The following BMPR1A variants were observed in gnomAD, a reference collection of about 807,000 sequenced individuals.
The protein encoded by BMPR1A is bone morphogenetic protein receptor type 1A, also known as bone morphogenetic protein receptor type-1A.
Under a neutral mutation model 66.0 loss-of-function variants are expected in BMPR1A, and 7 were observed. The ratio of observed to expected loss-of-function variants is 0.11; its 90% CI spans 0.06 to 0.20. BMPR1A has a LOEUF of 0.20. Ranked by LOEUF, BMPR1A falls within the 10% of genes least tolerant of loss-of-function variation. The pLI, the probability that BMPR1A is intolerant of heterozygous loss-of-function variation, is 1.00. For synonymous variants in BMPR1A, 200 were observed against 229.7 expected, an observed-to-expected ratio of 0.87 and a Z score of 1.17; for missense variants, 408 against 669.1, an observed-to-expected ratio of 0.61 and a Z score of 4.31.
chr10:86,855,303 C>G (rs1842625790), intron 2 of BMPR1A: 1 of 1,019,886 alleles, frequency 9.8e-7, no homozygotes, highest in Admixed American at 2.8e-5. Context: ...TCCACCCAAT[C>G]AAAGTCTCCT....
chr10:86,902,494 C>T (rs1249975023), intron 7 of BMPR1A, among the ~76,000 whole-genome samples: 9 of 152,124 alleles, frequency 5.9e-5, no homozygotes, highest in Non-Finnish European at 1.3e-4. Flanking sequence ...TGTGTGCTCT[C>T]TAAGCAATGG....
In BMPR1A at chr10:86,921,542, C is replaced by T. The variant is rs1843665120; in HGVS notation, c.1189C>T (p.Pro397Ser). 1 of 1,614,042 alleles carries T rather than the reference C, an allele frequency of 6.2e-7. No individual in the cohort carries two copies. Among genetic ancestry groups the T allele is most frequent in the Non-Finnish European group, 8.5e-7 (1 of 1,179,966 alleles). ...CAGTGACACAAATGAAGTTGATGTGCCCTTGAATACCAGGGTGGGCACCAA... is the reference window on the plus strand; with the variant it reads ...CAGTGACACAAATGAAGTTGATGTGTCCTTGAATACCAGGGTGGGCACCAA... ...FNSDTNEVDV[P>S]LNTRVGTKRY... The change falls in exon 11 of 13, where the codon CCC (proline) becomes TCC (serine). Residue 397 changes from proline to serine, a missense_variant. Physicochemically the swap from Pro to Ser is moderately conservative, Grantham distance 74 (BLOSUM62 -1). Transcript: ENST00000372037.
At chr10:86,868,742 A>G (rs1433658858) in intron 2 of BMPR1A, among the ~76,000 whole-genome samples, 1 of 150,030 alleles carries the variant, frequency 6.7e-6, no homozygotes, top group Non-Finnish European at 1.5e-5. Flanking sequence ...TTTACTCTGT[A>G]GTCTGTTTTT....
At chr10:86,854,727 T>C (rs1842616354) in intron 2 of BMPR1A, 4 of 230,278 alleles carry the variant, frequency 1.7e-5, no homozygotes, top group Non-Finnish European at 2.9e-5. Flanking sequence ...GGTTTCTTCA[T>C]CCAAAACGTA....
At chr10:86,932,142 CTTGTAA>C, downstream of BMPR1A, 1 of 152,286 alleles carries the variant, frequency 6.6e-6, no homozygotes, top group South Asian at 2.1e-4. Flanking sequence ...AGAGACTCAT[CTTGTAA>C]TGTTTGTAAT....
intron 1 of BMPR1A, among the ~76,000 whole-genome samples, chr10:86,830,901 C>T (rs1157836479): frequency 3.3e-5 from 5 of 152,032 alleles, no homozygotes; most frequent in Non-Finnish European, 7.4e-5. Context: ...CCCCATTCCC[C>T]ACTCTCCAGC....
At chr10:86,846,486 G>T (rs909736629) in intron 2 of BMPR1A, among the ~76,000 whole-genome samples, 1 of 152,160 alleles carries the variant, frequency 6.6e-6, no homozygotes, top group African/African-American at 2.4e-5. Context: ...CCTTAGGGCC[G>T]TCAGCGTGCC....
chr10:86,836,914 T>C (rs1186519888), intron 1 of BMPR1A, among the ~76,000 whole-genome samples: 1 of 152,134 alleles, frequency 6.6e-6, no homozygotes, highest in Non-Finnish European at 1.5e-5. Flanking sequence ...GCCTGGGTAA[T>C]GGAGCCAGAG....
intron 8 of BMPR1A, among the ~76,000 whole-genome samples, chr10:86,913,907 T>G (rs1300706400): frequency 6.6e-6 from 1 of 152,178 alleles, no homozygotes; most frequent in Non-Finnish European, 1.5e-5. Flanking sequence ...TTGATGTATA[T>G]TCTAACATTT....
chr10:86,893,997 C>T (rs1457529948), intron 5 of BMPR1A, among the ~76,000 whole-genome samples: 1 of 152,220 alleles, frequency 6.6e-6, no homozygotes, highest in Non-Finnish European at 1.5e-5. Context: ...TCCTACTAGT[C>T]TTTGCCCAGT....
intron 1 of BMPR1A, among the ~76,000 whole-genome samples, chr10:86,817,027 C>T (rs1248050173): frequency 6.6e-6 from 1 of 152,166 alleles, no homozygotes; most frequent in Non-Finnish European, 1.5e-5. Flanking sequence ...AAGCTCTTCT[C>T]CAGCCATCCC....
chr10:86,908,624 C>T (rs1475532372), intron 7 of BMPR1A, among the ~76,000 whole-genome samples: 3 of 152,214 alleles, frequency 2.0e-5, no homozygotes, highest in Non-Finnish European at 4.4e-5. Flanking sequence ...GCTCTTACCA[C>T]GTCATTGCAC....
At chr10:86,785,708 G>A (rs1841505160) in intron 1 of BMPR1A, among the ~76,000 whole-genome samples, 1 of 152,192 alleles carries the variant, frequency 6.6e-6, no homozygotes, top group Non-Finnish European at 1.5e-5. Flanking sequence ...ATTATTGAAA[G>A]TGGGGATACT....
At chr10:86,763,773 A>G (rs1249506789) in intron 1 of BMPR1A, among the ~76,000 whole-genome samples, 1 of 148,986 alleles carries the variant, frequency 6.7e-6, no homozygotes, top group Non-Finnish European at 1.5e-5. Context: ...AGAAATCTGT[A>G]GGAGACTTGG....
At chr10:86,843,088 T>A (rs1210067133) in intron 2 of BMPR1A, among the ~76,000 whole-genome samples, 1 of 152,130 alleles carries the variant, frequency 6.6e-6, no homozygotes, top group Non-Finnish European at 1.5e-5. Flanking sequence ...AAGCAAGAAA[T>A]AATGAAGCTG....
intron 5 of BMPR1A, among the ~76,000 whole-genome samples, chr10:86,895,601 T>C (rs1843214310): frequency 6.6e-6 from 1 of 152,172 alleles, no homozygotes; most frequent in African/African-American, 2.4e-5. Flanking sequence ...ATCTTGCTTA[T>C]GTGAATACAT....
chr10:86,887,213 G>A (rs11816695), intron 3 of BMPR1A, among the ~76,000 whole-genome samples: 1,584 of 152,108 alleles, frequency 0.01, 25 homozygotes, highest in African/African-American at 0.036. Context: ...GTTTCTCAAG[G>A]CCACATATGT....
intron 5 of BMPR1A, among the ~76,000 whole-genome samples, chr10:86,893,117 A>T (rs1843176068): frequency 6.6e-6 from 1 of 152,166 alleles, no homozygotes. Context: ...TGTCACACTT[A>T]TTTGTAGATT....
intron 4 of BMPR1A, 89 bp downstream of exon 4, chr10:86,890,313 T>C (rs1843130394): frequency 4.6e-6 from 7 of 1,518,102 alleles, no homozygotes; most frequent in Non-Finnish European, 5.5e-6. Flanking sequence ...TGTCTGCGGT[T>C]TTTTTTTCAT....
Sources: gnomAD v4.1 joint callset for allele counts (sites outside exome capture counted in the v4.1 genomes callset) on GRCh38, gnomAD v4.1.1 for gene constraint, MANE v1.5 for transcripts, NCBI Gene and HGNC (gene_info 2026-07-23, HGNC 2026-07-21) for gene names.